The following TANC2 variants were observed in gnomAD, a reference collection of about 807,000 sequenced individuals.
The protein encoded by TANC2 is protein TANC2.
TANC2 carries 26 observed loss-of-function variants against 210.5 expected under a neutral mutation model. The ratio of observed to expected loss-of-function variants is 0.12; its 90% CI spans 0.09 to 0.17. The LOEUF (loss-of-function observed/expected upper bound fraction) is 0.17. Ranked by LOEUF, TANC2 falls within the 10% of genes least tolerant of loss-of-function variation. The pLI, the probability that TANC2 is intolerant of heterozygous loss-of-function variation, is 1.00. For missense variants in TANC2, 2,129 were observed against 2,608.9 expected (o/e 0.82, Z 4.01); for synonymous variants, 931 against 967.1 (o/e 0.96, Z 0.69).
Position 63,412,569 on chromosome 17 carries a change from G to C in TANC2, c.3899-111G>C. ...TAGACGAGGGTTGGCTGATATGCTG[G>C]CTTTGTGCTGCCTGCCTCTCACTGC... On this transcript the variant is annotated intron_variant, in intron 23 of 27. Transcript: ENST00000689528. The surrounding 1 kb of genome is among the most constrained non-coding windows in gnomAD (Gnocchi z 4.2). The C allele has an allele frequency of 9.5e-7, 1 of 1,047,646 alleles. No individual in the cohort carries two copies. The highest frequency in any genetic ancestry group is 1.4e-5 in the South Asian group (1 of 70,880). The allele number at this position is 1,047,646 out of a possible 1,614,324, so 64.9% of individuals were successfully genotyped here.
intron 9 of TANC2, among the ~76,000 whole-genome samples, chr17:63,299,088 T>TA (rs199563143): frequency 0.017 from 2,520 of 152,274 alleles, 33 homozygotes; most frequent in Non-Finnish European, 0.024. Flanking sequence ...TGTGTCCCTG[T>TA]AAAGGACATG....
At chr17:63,137,996 A>G (rs2039150149) in intron 4 of TANC2, among the ~76,000 whole-genome samples, 1 of 152,182 alleles carries the variant, frequency 6.6e-6, no homozygotes, top group Non-Finnish European at 1.5e-5. Context: ...GCATATGGGT[A>G]AACTGCATGT....
chr17:63,214,009 G>GA (rs1188191036), intron 7 of TANC2, among the ~76,000 whole-genome samples: 4 of 152,086 alleles, frequency 2.6e-5, no homozygotes, highest in Non-Finnish European at 4.4e-5. Context: ...AAAGGAAAGA[G>GA]AAAAAATGTA....
chr17:63,358,345 A>C (rs1250934847), intron 14 of TANC2, among the ~76,000 whole-genome samples: 1 of 148,322 alleles, frequency 6.7e-6, no homozygotes, highest in Non-Finnish European at 1.5e-5. Flanking sequence ...TAACAAGGTG[A>C]GTAGAGTGAG....
At chr17:63,124,289 G>C (rs771945398) in intron 4 of TANC2, among the ~76,000 whole-genome samples, 11 of 151,974 alleles carry the variant, frequency 7.2e-5, no homozygotes, top group Admixed American at 1.3e-4. Context: ...GGGACCAAAA[G>C]AGAAAAACCC....
chr17:63,328,214 G>A (rs2045714015), intron 11 of TANC2, among the ~76,000 whole-genome samples: 1 of 152,114 alleles, frequency 6.6e-6, no homozygotes, highest in South Asian at 2.1e-4. Context: ...AGGAAGGTGA[G>A]GATACTACCT....
intron 5 of TANC2, among the ~76,000 whole-genome samples, chr17:63,175,580 A>G (rs553305927): frequency 1.7e-4 from 26 of 150,334 alleles, no homozygotes; most frequent in Middle Eastern, 6.9e-3. Context: ...TGTAAGAGCT[A>G]GGACTGAATC....
chr17:63,176,978 T>A (rs2040606971), intron 5 of TANC2, among the ~76,000 whole-genome samples: 1 of 151,424 alleles, frequency 6.6e-6, no homozygotes, highest in Non-Finnish European at 1.5e-5. Context: ...ATTTACTGAA[T>A]TGCGGCTGGG....
intron 5 of TANC2, among the ~76,000 whole-genome samples, chr17:63,156,098 A>G (rs1463954128): frequency 6.6e-6 from 1 of 152,110 alleles, no homozygotes; most frequent in Non-Finnish European, 1.5e-5. Flanking sequence ...TTTTGCTACA[A>G]ACTATGTGCT....
At chr17:63,406,194 T>C (rs1196447873) in exon 21 of TANC2, 2 of 1,613,964 alleles carry the variant, frequency 1.2e-6, no homozygotes, top group South Asian at 1.1e-5. Flanking sequence ...GATGTCAACA[T>C]GGCAGACAAG....
chr17:63,299,261 G>A (rs1478889686), intron 9 of TANC2, among the ~76,000 whole-genome samples: 1 of 152,168 alleles, frequency 6.6e-6, no homozygotes, highest in Non-Finnish European at 1.5e-5. Context: ...ATAGTAAAAT[G>A]ATTTCTATTC....
At chr17:63,118,134 CT>C (rs36096801) in intron 4 of TANC2, among the ~76,000 whole-genome samples, 1 of 151,966 alleles carries the variant, frequency 6.6e-6, no homozygotes, top group South Asian at 2.1e-4. Flanking sequence ...AATAAAATAC[CT>C]TTTTTAAAAA....
chr17:63,312,583 A>C (rs2447449), intron 9 of TANC2, among the ~76,000 whole-genome samples: 10,906 of 152,200 alleles, frequency 0.072, 728 homozygotes, highest in African/African-American at 0.17. Flanking sequence ...AGAAGGGGGA[A>C]GAAGATGGGG....
intron 8 of TANC2, among the ~76,000 whole-genome samples, chr17:63,249,003 A>G (rs2042987607): frequency 6.6e-6 from 1 of 152,188 alleles, no homozygotes; most frequent in Non-Finnish European, 1.5e-5. Flanking sequence ...CGTTGGTCAA[A>G]TAGATTCAGC....
chr17:63,095,694 G>A (rs187644218), intron 3 of TANC2, among the ~76,000 whole-genome samples: 10 of 152,234 alleles, frequency 6.6e-5, no homozygotes, highest in Non-Finnish European at 1.5e-5. Flanking sequence ...GAAGGCTCAT[G>A]AGCATACAGG....
chr17:63,240,708 C>G (rs2042749848), intron 8 of TANC2, among the ~76,000 whole-genome samples: 2 of 152,184 alleles, frequency 1.3e-5, no homozygotes, highest in South Asian at 4.1e-4. Flanking sequence ...CCACATGAAA[C>G]TAACCACCAG....
chr17:63,410,828 T>C (rs1237468484), intron 21 of TANC2, among the ~76,000 whole-genome samples: 1 of 109,918 alleles, frequency 9.1e-6, no homozygotes, highest in Non-Finnish European at 1.6e-5. Context: ...GCCACTGCAC[T>C]CCAGCCAGGG....
chr17:63,274,233 A>G (rs1394301764), intron 9 of TANC2, among the ~76,000 whole-genome samples: 1 of 151,634 alleles, frequency 6.6e-6, no homozygotes, highest in African/African-American at 2.4e-5. Context: ...TTCACTCTTC[A>G]AGACAGCTGT....
chr17:63,040,322 C>A (rs1465859407), intron 2 of TANC2, among the ~76,000 whole-genome samples: 1 of 152,174 alleles, frequency 6.6e-6, no homozygotes, highest in Non-Finnish European at 1.5e-5. Context: ...CAATGTTCAG[C>A]ATTGACTCAA....
Sources: allele counts gnomAD v4.1 joint callset (sites outside exome capture counted in the v4.1 genomes callset), GRCh38; gene constraint gnomAD v4.1.1; non-coding constraint Gnocchi (gnomAD v3.1); transcripts MANE v1.5; gene names NCBI Gene and HGNC (gene_info 2026-07-23, HGNC 2026-07-21).